Variants in PDLIM1 observed in about 807,000 individuals in gnomAD.
PDLIM1 encodes PDZ and LIM domain 1, also known as PDZ and LIM domain protein 1.
In PDLIM1, 25 loss-of-function variants were observed where a neutral mutation model predicts 35.2. That is an observed-to-expected ratio of 0.71 (90% CI 0.52 to 0.99). The LOEUF is 0.99. Ranked by LOEUF, PDLIM1 falls within the 50% of genes least tolerant of loss-of-function variation. The pLI is 0.00. For synonymous variants in PDLIM1, 152 were observed against 154.0 expected (o/e 0.99, Z 0.10); for missense variants, 363 against 415.3 (o/e 0.87, Z 1.09).
intron 5 of PDLIM1, among the ~76,000 whole-genome samples, chr10:95,242,425 C>T (rs2035186560): frequency 6.6e-6 from 1 of 152,120 alleles, no homozygotes; most frequent in Non-Finnish European, 1.5e-5. Flanking sequence ...GTGGCTCATG[C>T]CTGTAATCCC....
At chr10:95,259,814 A>C (rs908710106) in intron 4 of PDLIM1, among the ~76,000 whole-genome samples, 1 of 152,204 alleles carries the variant, frequency 6.6e-6, no homozygotes, top group Non-Finnish European at 1.5e-5. Flanking sequence ...GTTTGGGGGC[A>C]ACACCTTACA....
intron 5 of PDLIM1, among the ~76,000 whole-genome samples, chr10:95,243,226 T>A (rs1463268728): frequency 6.6e-6 from 1 of 152,290 alleles, no homozygotes; most frequent in East Asian, 1.9e-4. Context: ...ACCTGTTGGC[T>A]TCAAGGTTTT....
At chr10:95,280,159 A>T (rs1281697479) in intron 1 of PDLIM1, among the ~76,000 whole-genome samples, 2 of 152,124 alleles carry the variant, frequency 1.3e-5, no homozygotes, top group African/African-American at 2.4e-5. Context: ...GTGGATCACT[A>T]GAGGTCAGGA....
At chr10:95,274,437 G>A (rs372798182) in intron 1 of PDLIM1, among the ~76,000 whole-genome samples, 31 of 152,104 alleles carry the variant, frequency 2.0e-4, no homozygotes, top group African/African-American at 7.5e-4. Flanking sequence ...GGGATTACAG[G>A]CTGCACCACC....
rs1343144644 is a variant in PDLIM1 at position 95,237,677 on chromosome 10, G to T, written c.*248C>A. ...TGTCCAAATGCAGCAGAGAAGAACG[G>T]TGGGGCGAAGGGACACAGTGTTGCT... On this transcript the variant is annotated 3_prime_UTR_variant, in exon 7 of 7. Coordinates refer to ENST00000329399, the MANE Select transcript of PDLIM1 (RefSeq NM_020992.4). 24 of 485,728 alleles carry T rather than the reference G, an allele frequency of 4.9e-5. No individual in the cohort carries two copies. The highest frequency in any genetic ancestry group is 5.3e-4 in the Middle Eastern group (1 of 1,872). The allele number at this position is 485,728 out of a possible 1,614,324, so 30.1% of individuals were successfully genotyped here.
intron 2 of PDLIM1, 111 bp from the exon 3 acceptor site, chr10:95,268,973 C>A: frequency 1.4e-6 from 1 of 723,516 alleles, no homozygotes; most frequent in East Asian, 2.7e-5. Context: ...TGAACTAGCA[C>A]CCTCCCATCA....
At chr10:95,264,528 G>A (rs1163081318) in intron 3 of PDLIM1, among the ~76,000 whole-genome samples, 5 of 152,236 alleles carry the variant, frequency 3.3e-5, no homozygotes. Flanking sequence ...GAGCAAGTTA[G>A]ACAAGCAAGG....
At chr10:95,251,420 A>C (rs918854564) in intron 4 of PDLIM1, among the ~76,000 whole-genome samples, 1 of 151,984 alleles carries the variant, frequency 6.6e-6, no homozygotes, top group African/African-American at 2.4e-5. Flanking sequence ...CTAAAATCCA[A>C]AAAAAATTAG....
intron 3 of PDLIM1, 124 bp downstream of exon 3, chr10:95,268,654 A>G: frequency 1.4e-6 from 1 of 708,860 alleles, no homozygotes; most frequent in South Asian, 1.6e-5. Context: ...AGATACCAGC[A>G]GAGACAGTGA....
At chr10:95,289,987 G>A (rs2035637729) in intron 1 of PDLIM1, among the ~76,000 whole-genome samples, 1 of 152,194 alleles carries the variant, frequency 6.6e-6, no homozygotes, top group Non-Finnish European at 1.5e-5. Flanking sequence ...GTCTCCCTGG[G>A]GGTTTCACTT....
intron 1 of PDLIM1, among the ~76,000 whole-genome samples, chr10:95,284,209 A>G (rs1306627054): frequency 6.6e-6 from 1 of 152,180 alleles, no homozygotes; most frequent in Non-Finnish European, 1.5e-5. Flanking sequence ...ATGTGGACCC[A>G]GTTTCTATTG....
At chr10:95,251,851 C>T (rs986755560) in intron 4 of PDLIM1, among the ~76,000 whole-genome samples, 3 of 152,230 alleles carry the variant, frequency 2.0e-5, no homozygotes, top group African/African-American at 2.4e-5. Context: ...AGGGACCCCA[C>T]GTCCTGAGGA....
intron 1 of PDLIM1, among the ~76,000 whole-genome samples, chr10:95,275,059 A>C (rs1328718899): frequency 6.6e-6 from 1 of 152,128 alleles, no homozygotes; most frequent in Non-Finnish European, 1.5e-5. Flanking sequence ...TTCCCCAGTT[A>C]CTCCTGTAAA....
At chr10:95,256,974 TAAAAAA>T (rs1186043233) in intron 4 of PDLIM1, among the ~76,000 whole-genome samples, 3 of 17,344 alleles carry the variant, frequency 1.7e-4, no homozygotes, top group African/African-American at 3.3e-4. Flanking sequence ...GACTTCATCT[TAAAAAA>T]AAAAAAAAAG....
chr10:95,259,771 C>T (rs867865321), intron 4 of PDLIM1, among the ~76,000 whole-genome samples: 30 of 152,270 alleles, frequency 2.0e-4, no homozygotes, highest in African/African-American at 6.5e-4. Context: ...CCTTTATTTC[C>T]AGGGCAGCTG....
intron 1 of PDLIM1, among the ~76,000 whole-genome samples, chr10:95,280,705 T>C (rs2035554231): frequency 6.6e-6 from 1 of 152,202 alleles, no homozygotes; most frequent in Non-Finnish European, 1.5e-5. Context: ...TTTTTCTTTT[T>C]CTTGAGGGAA....
intron 4 of PDLIM1, among the ~76,000 whole-genome samples, chr10:95,249,969 C>G (rs1392110806): frequency 6.6e-6 from 1 of 152,166 alleles, no homozygotes; most frequent in Non-Finnish European, 1.5e-5. Context: ...CCTCTTCCCC[C>G]ACCTGCAGGG....
chr10:95,245,953 C>T (rs1038702891), intron 5 of PDLIM1, among the ~76,000 whole-genome samples: 3 of 152,216 alleles, frequency 2.0e-5, no homozygotes, highest in African/African-American at 7.2e-5. Context: ...GGGCACAAGC[C>T]TCTCAGCCAA....
chr10:95,262,119 A>G (rs12358530), intron 4 of PDLIM1, among the ~76,000 whole-genome samples: 11,229 of 151,770 alleles, frequency 0.074, 573 homozygotes, highest in Admixed American at 0.13. Context: ...CTCTCTGGGG[A>G]GGGGAGGGGT....
Sources: gnomAD v4.1 joint callset for allele counts (sites outside exome capture counted in the v4.1 genomes callset) on GRCh38, gnomAD v4.1.1 for gene constraint, MANE v1.5 for transcripts, NCBI Gene and HGNC (gene_info 2026-07-23, HGNC 2026-07-21) for gene names.